MLLT3: variants seen among roughly 807,000 people sequenced by gnomAD.
The protein encoded by MLLT3 is MLLT3 super elongation complex subunit, also known as protein AF-9.
MLLT3 carries 4 observed loss-of-function variants against 53.2 expected under a neutral mutation model. That is an observed-to-expected ratio of 0.08 (90% CI 0.04 to 0.17). MLLT3 has a LOEUF of 0.17. Among genes scored for constraint, MLLT3 ranks in the 10% least tolerant of loss-of-function variants. MLLT3 has a pLI of 1.00. For missense variants in MLLT3, 569 were observed against 684.0 expected (o/e 0.83, Z 1.87); for synonymous variants, 283 against 230.6 (o/e 1.23, Z -2.06).
intron 2 of MLLT3, among the ~76,000 whole-genome samples, chr9:20,545,811 G>C (rs1017632052): frequency 3.5e-5 from 5 of 142,194 alleles, no homozygotes; most frequent in African/African-American, 1.1e-4. Flanking sequence ...TTGAAGACAG[G>C]AGTTCGAGAC....
chr9:20,596,566 C>G (rs899728196), intron 2 of MLLT3, among the ~76,000 whole-genome samples: 1 of 152,164 alleles, frequency 6.6e-6, no homozygotes, highest in African/African-American at 2.4e-5. Context: ...TGGTGCATGC[C>G]TGTAGTCCCA....
At chr9:20,360,952 T>C in intron 7 of MLLT3, 111 bp from the exon 8 acceptor site, 1 of 876,108 alleles carries the variant, frequency 1.1e-6, no homozygotes, top group African/African-American at 1.7e-5. Context: ...CTTGACAAGT[T>C]CATTTTAACT....
At chr9:20,593,162 A>G (rs1034462805) in intron 2 of MLLT3, among the ~76,000 whole-genome samples, 1 of 152,236 alleles carries the variant, frequency 6.6e-6, no homozygotes, top group African/African-American at 2.4e-5. Context: ...AAATAAAAAA[A>G]CAAGGGCTTC....
intron 2 of MLLT3, among the ~76,000 whole-genome samples, chr9:20,581,891 T>C (rs537401333): frequency 1.1e-3 from 161 of 152,308 alleles, no homozygotes; most frequent in Non-Finnish European, 1.9e-3. Context: ...CAACCCTCTC[T>C]CAGGTTTAAA....
intron 2 of MLLT3, among the ~76,000 whole-genome samples, chr9:20,592,302 G>A (rs1206235221): frequency 1.3e-5 from 2 of 152,096 alleles, no homozygotes; most frequent in South Asian, 2.1e-4. Flanking sequence ...TAACAAAGTG[G>A]GTTTAAACAA....
At position 20,410,075 on chromosome 9, in the gene MLLT3, T is replaced by C. The variant is rs373431271; in HGVS notation, c.1125+3646A>G. ...AGACTTTTTATCTTGTATTTTTACA[T>C]TGATCATGTAGCAGAACCATATCAA... On this transcript the variant is annotated intron_variant, in intron 5 of 10. Coordinates refer to ENST00000380338, the MANE Select transcript of MLLT3 (RefSeq NM_004529.4). Among the ~76,000 whole-genome samples, 13 of 152,308 alleles carry C rather than the reference T, an allele frequency of 8.5e-5. No homozygotes were observed. In the East Asian group the frequency reaches 1.2e-3, roughly 14 times the overall value.
At chr9:20,544,338 C>G (rs1818727517) in intron 2 of MLLT3, among the ~76,000 whole-genome samples, 1 of 151,970 alleles carries the variant, frequency 6.6e-6, no homozygotes, top group South Asian at 2.1e-4. Context: ...CACAAACTTC[C>G]ATGCAGGAAA....
At chr9:20,389,770 C>A (rs1229313240) in intron 5 of MLLT3, among the ~76,000 whole-genome samples, 2 of 152,054 alleles carry the variant, frequency 1.3e-5, no homozygotes, top group African/African-American at 4.8e-5. Flanking sequence ...CACAGTGAGA[C>A]CCCGTCCGGT....
intron 2 of MLLT3, among the ~76,000 whole-genome samples, chr9:20,471,428 T>C (rs944257563): frequency 6.6e-6 from 1 of 152,006 alleles, no homozygotes; most frequent in Non-Finnish European, 1.5e-5. Context: ...TACTTTCCAT[T>C]CTACACCTTT....
chr9:20,497,959 T>C (rs1353024557), intron 2 of MLLT3, among the ~76,000 whole-genome samples: 1 of 152,088 alleles, frequency 6.6e-6, no homozygotes, highest in Non-Finnish European at 1.5e-5. Context: ...CAGTGGCTCA[T>C]GCTTGTAATG....
At chr9:20,497,771 A>C (rs1256200163) in intron 2 of MLLT3, among the ~76,000 whole-genome samples, 2 of 152,264 alleles carry the variant, frequency 1.3e-5, no homozygotes, top group Middle Eastern at 3.4e-3. Context: ...AACTTGTATA[A>C]GTGTGTAAGT....
intron 2 of MLLT3, among the ~76,000 whole-genome samples, chr9:20,518,870 C>T (rs1817983114): frequency 1.3e-5 from 2 of 152,164 alleles, no homozygotes; most frequent in Non-Finnish European, 2.9e-5. Context: ...CTGAGCAACT[C>T]ACAGATAAAG....
intron 4 of MLLT3, among the ~76,000 whole-genome samples, chr9:20,438,176 T>G (rs1823452296): frequency 6.6e-6 from 1 of 152,222 alleles, no homozygotes; most frequent in Non-Finnish European, 1.5e-5. Flanking sequence ...AAGAAAGATG[T>G]ATTTATTATT....
intron 2 of MLLT3, among the ~76,000 whole-genome samples, chr9:20,508,494 A>G (rs1450111850): frequency 6.6e-6 from 1 of 152,200 alleles, no homozygotes; most frequent in African/African-American, 2.4e-5. Flanking sequence ...ACAAAACCCC[A>G]GTCATAACTG....
Position 20,342,354 on chromosome 9 carries a change from CAACAT to C in MLLT3, c.*4084_*4088del, listed in dbSNP as rs1820755261. ...ATGTACACATACACAATGTATCTTTCAACATAACTACACATACACAGTCCATTAAA... is the reference window on the plus strand; with the variant it reads ...ATGTACACATACACAATGTATCTTTCAACTACACATACACAGTCCATTAAA... On this transcript the variant is annotated 3_prime_UTR_variant, in exon 11 of 11. Coordinates refer to ENST00000380338, the MANE Select transcript of MLLT3 (RefSeq NM_004529.4). The C allele has an allele frequency of 4.4e-6, 1 of 224,730 alleles. No individual in the cohort carries two copies. Among genetic ancestry groups the C allele is most frequent in the African/African-American group, 2.2e-5 (1 of 44,858 alleles). 13.9% of individuals were successfully genotyped at this position (224,730 alleles called of 1,614,324 possible). A position where few individuals can be genotyped will look rare whatever the true frequency, so the allele number is the denominator to read the frequency against.
intron 4 of MLLT3, among the ~76,000 whole-genome samples, chr9:20,435,119 A>G (rs1023288210): frequency 2.6e-5 from 4 of 152,178 alleles, no homozygotes; most frequent in African/African-American, 9.7e-5. Flanking sequence ...CACCCCACTA[A>G]AAGAAGCAGA....
chr9:20,520,099 C>A (rs1041483404), intron 2 of MLLT3, among the ~76,000 whole-genome samples: 2 of 152,072 alleles, frequency 1.3e-5, no homozygotes, highest in African/African-American at 4.8e-5. Context: ...AACACAGGAA[C>A]AGAAAGCCAA....
At chr9:20,385,143 A>G (rs1020363574) in intron 5 of MLLT3, among the ~76,000 whole-genome samples, 1 of 152,168 alleles carries the variant, frequency 6.6e-6, no homozygotes, top group Non-Finnish European at 1.5e-5. Context: ...TGAAAATAAT[A>G]AAGGGGTCTA....
At position 20,346,503 on chromosome 9, in the gene MLLT3, C is replaced by T. The variant is rs779982285; in HGVS notation, c.1647G>A (p.Ser549=). 7.2e-5 allele frequency: 116 copies of T among 1,612,906 alleles called. No individual in the cohort carries two copies. The highest frequency in any genetic ancestry group is 1.6e-4 in the Middle Eastern group (1 of 6,080). The part of the protein sequence containing the change: ...TNTTFDFDLC[S]LDKTTVRKLQ... ...GTTTACGGACTGTGGTTTTGTCCAG[C>T]GAGCAAAGATCAAAATCAAATGTTG... The change falls in exon 11 of 11, where the codon TCG becomes TCA. Residue 549 remains serine (S), a synonymous_variant. Coordinates refer to ENST00000380338, the MANE Select transcript of MLLT3 (RefSeq NM_004529.4).
Sources: allele counts gnomAD v4.1 joint callset (sites outside exome capture counted in the v4.1 genomes callset), GRCh38; gene constraint gnomAD v4.1.1; transcripts MANE v1.5; gene names NCBI Gene and HGNC (gene_info 2026-07-23, HGNC 2026-07-21).